SYNJ2: variants seen among roughly 807,000 people sequenced by gnomAD.
SYNJ2 encodes the protein polyphosphatidylinositol phosphatase SYNJ2.
SYNJ2 carries 116 observed loss-of-function variants against 141.3 expected under a neutral mutation model. The ratio of observed to expected loss-of-function variants is 0.82; its 90% confidence interval spans 0.71 to 0.96. SYNJ2 has a LOEUF of 0.96. SYNJ2 is among the 40% of genes least tolerant of loss of function. SYNJ2 has a pLI of 0.00. For synonymous variants in SYNJ2, 745 were observed against 777.7 expected (o/e 0.96, Z 0.70); for missense variants, 1,873 against 1,934.8 (o/e 0.97, Z 0.60).
At position 158,096,032 on chromosome 6, in the gene SYNJ2, T is replaced by G; in HGVS notation, c.4159T>G (p.Ser1387Ala). The G allele has an allele frequency of 6.2e-7, 1 of 1,614,214 alleles. No individual in the cohort carries two copies. Among genetic ancestry groups the G allele is most frequent in the Non-Finnish European group, 8.5e-7 (1 of 1,180,030 alleles). The stretch of plus-strand genomic sequence containing the variant: ...CCCACAAGGGGACTTTCTCAGCACT[T>G]CATCTGCTACAAGCCCCGACAGCGA... ...VFPQGDFLSTSSATSPDSDGT... is the reference protein window; with the variant it reads ...VFPQGDFLSTASATSPDSDGT... The change falls in exon 27 of 27, where the codon TCA becomes GCA. Residue 1387 changes from serine to alanine, a missense_variant. Ser to Ala is a moderately conservative substitution (Grantham distance 99, BLOSUM62 1). Transcript: ENST00000355585.
At chr6:158,020,248 CGTG>C (rs1583329940) in intron 2 of SYNJ2, among the ~76,000 whole-genome samples, 3 of 131,904 alleles carry the variant, frequency 2.3e-5, no homozygotes, top group African/African-American at 1.0e-4. Context: ...CCCCCACCTG[CGTG>C]ACTCTGACTG....
chr6:158,072,702 G>A (rs1185970942), intron 15 of SYNJ2, among the ~76,000 whole-genome samples: 3 of 150,762 alleles, frequency 2.0e-5, no homozygotes, highest in South Asian at 2.1e-4. Context: ...AGAAACAAAC[G>A]AGTTGGGAAA....
intron 11 of SYNJ2, among the ~76,000 whole-genome samples, chr6:158,066,195 G>T (rs1380547182): frequency 6.6e-6 from 1 of 152,094 alleles, no homozygotes; most frequent in East Asian, 1.9e-4. Context: ...GGCTTCAGTT[G>T]GGGGTAGGGG....
chr6:158,042,572 T>C (rs933528199), intron 4 of SYNJ2, among the ~76,000 whole-genome samples: 1 of 152,248 alleles, frequency 6.6e-6, no homozygotes, highest in Non-Finnish European at 1.5e-5. Context: ...TCGTACTTCT[T>C]GTCCTTTTAA....
At position 158,088,731 on chromosome 6, in the gene SYNJ2, T is replaced by C; in HGVS notation, c.3415T>C (p.Leu1139=). Reference sequence around the variant, plus strand: ...CGGCACCCATGGACAGTATTCAATTTTGCAGACGGCAAGACTTCTACCAGG... The same window carrying C: ...CGGCACCCATGGACAGTATTCAATTCTGCAGACGGCAAGACTTCTACCAGG... ...SSGTHGQYSI[L]QTARLLPGAP... Residue 1139 remains leucine (L), a synonymous_variant, in exon 24 of 27, where the codon TTG becomes CTG. Coordinates refer to ENST00000355585, the MANE Select transcript of SYNJ2 (RefSeq NM_003898.4). 1 of 1,614,122 alleles carries C rather than the reference T, an allele frequency of 6.2e-7. No homozygotes were observed. The highest frequency in any genetic ancestry group is 8.5e-7 in the Non-Finnish European group (1 of 1,180,002).
chr6:158,064,358 G>A (rs1214321666), intron 9 of SYNJ2, among the ~76,000 whole-genome samples: 2 of 151,978 alleles, frequency 1.3e-5, no homozygotes, highest in Admixed American at 6.6e-5. Context: ...GGGGCGGGGC[G>A]GGGTGCAGGG....
At chr6:158,003,501 C>T (rs1178476593) in intron 1 of SYNJ2, among the ~76,000 whole-genome samples, 1 of 152,196 alleles carries the variant, frequency 6.6e-6, no homozygotes, top group Non-Finnish European at 1.5e-5. Flanking sequence ...ACTTTGGCCT[C>T]TTGAGACCCT....
In SYNJ2 at chr6:158,096,199, G is replaced by A. The variant is rs776516527; in HGVS notation, c.4326G>A (p.Arg1442=). The A allele has an allele frequency of 6.2e-7, 1 of 1,614,204 alleles. No individual in the cohort carries two copies. The highest frequency in any genetic ancestry group is 8.5e-7 in the Non-Finnish European group (1 of 1,180,044). ...CAGACCCTTTGGACTCAGGAACCAG[G>A]AGCCCCAAAAGAGATCCCATAGACC... The part of the protein sequence containing the change: ...KSSDPLDSGT[R]SPKRDPIDPV... The change falls in exon 27 of 27, where the codon AGG becomes AGA. Residue 1442 remains arginine (R), a synonymous_variant. Coordinates refer to ENST00000355585, the MANE Select transcript of SYNJ2 (RefSeq NM_003898.4).
intron 6 of SYNJ2, among the ~76,000 whole-genome samples, chr6:158,058,159 A>C (rs1780984237): frequency 6.6e-6 from 1 of 152,242 alleles, no homozygotes; most frequent in Non-Finnish European, 1.5e-5. Context: ...AAGATGTTTA[A>C]AGAAGAAAAG....
intron 3 of SYNJ2, chr6:158,029,394 C>CAA (rs59043421): frequency 0.32 from 28,971 of 91,944 alleles, 3,618 homozygotes; most frequent in Middle Eastern, 0.51. Flanking sequence ...ACTAAAAATA[C>CAA]AAAAAAAAAA....
At chr6:158,046,460 G>A (rs1214060033) in intron 5 of SYNJ2, among the ~76,000 whole-genome samples, 2 of 152,180 alleles carry the variant, frequency 1.3e-5, no homozygotes, top group African/African-American at 4.8e-5. Flanking sequence ...GCCTAAGGCT[G>A]CTTCTAGTTA....
intron 1 of SYNJ2, among the ~76,000 whole-genome samples, chr6:157,989,994 G>A (rs564499765): frequency 1.3e-4 from 20 of 152,246 alleles, no homozygotes; most frequent in African/African-American, 2.4e-4. Flanking sequence ...GCCTCGGAGC[G>A]TGAGTCTGGT....
Position 158,098,963 on chromosome 6 carries a change from G to A in SYNJ2, c.*2599G>A, listed in dbSNP as rs1783922889. 1 of 152,166 alleles carries A rather than the reference G, an allele frequency of 6.6e-6. No homozygotes were observed. Among genetic ancestry groups the A allele is most frequent in the Non-Finnish European group, 1.5e-5 (1 of 68,036 alleles). The allele number at this position is 152,166 out of a possible 1,614,324, so 9.4% of individuals were successfully genotyped here. On this transcript the variant is annotated 3_prime_UTR_variant, in exon 27 of 27. Transcript: ENST00000355585. Reference sequence around the variant, plus strand: ...ACGGTTTAACGTTGTTGAAGTTCAAGGCACATAATAAAATTCTCCCTGATG... The same window carrying A: ...ACGGTTTAACGTTGTTGAAGTTCAAAGCACATAATAAAATTCTCCCTGATG...
intron 2 of SYNJ2, among the ~76,000 whole-genome samples, chr6:158,018,255 C>T (rs935674199): frequency 4.6e-4 from 70 of 152,302 alleles, no homozygotes; most frequent in African/African-American, 1.5e-3. Flanking sequence ...GCTCAGGAGC[C>T]CTGGGGCTTT....
rs145826952 is a variant in SYNJ2, at chr6:158,062,113, T to C, written c.1076T>C (p.Leu359Pro). The part of the protein sequence containing the change: ...LETLLRPQLK[L>P]HWEDFDVFTK... ...ACCCTCTTGAGGCCACAGTTAAAGC[T>C]GCACTGGGAAGACTTCGATGTGTTC... Residue 359 changes from leucine to proline, a missense_variant, in exon 8 of 27, where the codon CTG (leucine) becomes CCG (proline). Leu to Pro is a moderately conservative substitution (Grantham distance 98). Coordinates refer to ENST00000355585, the MANE Select transcript of SYNJ2 (RefSeq NM_003898.4). The C allele has an allele frequency of 6.8e-6, 11 of 1,613,980 alleles. No homozygotes were observed. The highest frequency in any genetic ancestry group is 8.5e-6 in the Non-Finnish European group (10 of 1,180,026).
intron 2 of SYNJ2, among the ~76,000 whole-genome samples, chr6:158,021,796 G>T (rs1778789096): frequency 6.6e-6 from 1 of 152,206 alleles, no homozygotes; most frequent in Non-Finnish European, 1.5e-5. Flanking sequence ...ACTGGCCTTT[G>T]TCGGTCTTAG....
At chr6:158,052,457 T>A (rs1780621319) in intron 5 of SYNJ2, among the ~76,000 whole-genome samples, 1 of 152,212 alleles carries the variant, frequency 6.6e-6, no homozygotes. Context: ...ATTTGGCTCA[T>A]GGTAATGCAG....
chr6:158,094,972 A>C (rs1464631403), intron 26 of SYNJ2, among the ~76,000 whole-genome samples: 1 of 152,132 alleles, frequency 6.6e-6, no homozygotes, highest in Non-Finnish European at 1.5e-5. Flanking sequence ...ACATGGTGAA[A>C]CCCCGTCTCT....
At chr6:158,024,282 G>A (rs1778922792) in intron 2 of SYNJ2, among the ~76,000 whole-genome samples, 1 of 152,050 alleles carries the variant, frequency 6.6e-6, no homozygotes, top group African/African-American at 2.4e-5. Context: ...AAAATTAGCT[G>A]GGCATGGGGG....
Sources: gnomAD v4.1 joint callset for allele counts (sites outside exome capture counted in the v4.1 genomes callset) on GRCh38, gnomAD v4.1.1 for gene constraint, MANE v1.5 for transcripts, NCBI Gene and HGNC (gene_info 2026-07-23, HGNC 2026-07-21) for gene names.